Variants in TTBK1 observed in about 807,000 individuals in gnomAD.
TTBK1 encodes the protein tau tubulin kinase 1.
Under a neutral mutation model 108.5 loss-of-function variants are expected in TTBK1, and 34 were observed. That is an observed-to-expected ratio of 0.31 (90% confidence interval 0.24 to 0.42). The LOEUF is 0.42. Ranked by LOEUF, TTBK1 falls within the 10% of genes least tolerant of loss-of-function variation. The probability of loss-of-function intolerance (pLI) is 1.00; values close to 1 mark genes in which losing one functional copy is unlikely to be tolerated. For missense variants in TTBK1, 1,539 were observed against 1,826.0 expected (o/e 0.84, Z 2.86); for synonymous variants, 809 against 795.1 (o/e 1.02, Z -0.29).
intron 13 of TTBK1, among the ~76,000 whole-genome samples, chr6:43,267,570 C>T (rs569941390): frequency 1.3e-5 from 2 of 152,210 alleles, no homozygotes; most frequent in Non-Finnish European, 2.9e-5. Flanking sequence ...GGGAGGGAAA[C>T]AGTGTGAAAG....
At chr6:43,278,424 C>T (rs1017650969) in intron 13 of TTBK1, among the ~76,000 whole-genome samples, 10 of 152,154 alleles carry the variant, frequency 6.6e-5, no homozygotes, top group Non-Finnish European at 4.4e-5. Flanking sequence ...GAACCCTTAC[C>T]ATATATGCCT....
Position 43,269,388 on chromosome 6 carries a change from T to C in TTBK1, c.1986+6038T>C, listed in dbSNP as rs1173040026. Among the ~76,000 whole-genome samples the C allele has an allele frequency of 6.6e-6, 1 of 151,740 alleles. No homozygotes were observed. Among genetic ancestry groups the C allele is most frequent in the Non-Finnish European group, 1.5e-5 (1 of 67,890 alleles). ...TCTCGGAGGAGGTGAGTGACCATGG[T>C]CTCCTTGCAGAGACCATAGTGTGAG... On this transcript the variant is annotated intron_variant, in intron 13 of 14. Transcript: ENST00000259750. The surrounding 1 kb of genome is among the most constrained non-coding windows in gnomAD (Gnocchi z 4.8).
At chr6:43,278,236 A>C (rs981171219) in intron 13 of TTBK1, among the ~76,000 whole-genome samples, 2 of 152,208 alleles carry the variant, frequency 1.3e-5, no homozygotes, top group Non-Finnish European at 2.9e-5. Context: ...AGTCTGGTCC[A>C]TCCTCTCCCT....
Position 43,284,191 on chromosome 6 carries a change from G to A in TTBK1, c.3451G>A (p.Ala1151Thr), listed in dbSNP as rs752858831. The A allele has an allele frequency of 1.1e-5, 17 of 1,574,884 alleles. No individual in the cohort carries two copies. In the South Asian group the frequency reaches 1.4e-4, roughly 13 times the overall value. ...ALPRKSGRAAATRSRIPRPIG... is the reference protein window; with the variant it reads ...ALPRKSGRAATTRSRIPRPIG... ...GCCCAGGAAGAGCGGGAGGGCAGCC[G>A]CCACCAGGAGCCGGATTCCCCGCCC... The change falls in exon 14 of 15, where the codon GCC becomes ACC. Residue 1151 changes from alanine to threonine, a missense_variant. By Grantham distance (58) the Ala-to-Thr change is moderately conservative (BLOSUM62 0). Coordinates refer to ENST00000259750, the MANE Select transcript of TTBK1 (RefSeq NM_032538.3).
intron 2 of TTBK1, chr6:43,247,970 G>A (rs1233046530): frequency 6.6e-6 from 1 of 152,262 alleles, no homozygotes; most frequent in Admixed American, 6.5e-5. Flanking sequence ...GAAATCGGGG[G>A]AGGAAGAGCC....
rs774521135 is a variant in TTBK1, at chr6:43,285,032, C to T, written c.3622C>T (p.Pro1208Ser). The T allele has an allele frequency of 2.5e-5, 38 of 1,516,084 alleles. No homozygotes were observed. The highest frequency in any genetic ancestry group is 3.1e-5 in the Non-Finnish European group (35 of 1,138,290). The allele number at this position is 1,516,084 out of a possible 1,614,324, so 93.9% of individuals were successfully genotyped here. Residue 1208 changes from proline (P) to serine (S), a missense_variant, in exon 15 of 15, where the codon CCC (proline) becomes TCC (serine). Coordinates refer to ENST00000259750, the MANE Select transcript of TTBK1 (RefSeq NM_032538.3). This position sits in a 1 kb window ranked among gnomAD's most constrained non-coding sequence, Gnocchi z 4.7. ...PGSATAADLR[P>S]KQPPGRGLGP... The stretch of plus-strand genomic sequence containing the variant: ...GTCGGCCACTGCTGCTGACCTCCGC[C>T]CCAAACAACCTCCTGGCCGCGGCCT...
intron 1 of TTBK1, among the ~76,000 whole-genome samples, chr6:43,244,045 C>T (rs1257547611): frequency 6.6e-6 from 1 of 152,144 alleles, no homozygotes; most frequent in Non-Finnish European, 1.5e-5. Context: ...CCTCCCTGTC[C>T]TCAGTCCCTC....
chr6:43,272,596 G>GT, intron 13 of TTBK1: 1 of 985,380 alleles, frequency 1.0e-6, no homozygotes, highest in Non-Finnish European at 1.2e-6. Context: ...AGGGGAGAGT[G>GT]TTTTGTAAGC....
intron 10 of TTBK1, 47 bp from the exon 11 acceptor site, chr6:43,258,991 G>A (rs1165469366): frequency 1.4e-6 from 2 of 1,470,946 alleles, no homozygotes; most frequent in South Asian, 1.3e-5. Flanking sequence ...TGGAAGGAGA[G>A]GGCACCCCTG....
intron 12 of TTBK1, among the ~76,000 whole-genome samples, chr6:43,261,530 T>C (rs1259026730): frequency 1.3e-5 from 2 of 152,124 alleles, no homozygotes; most frequent in Admixed American, 1.3e-4. Flanking sequence ...TTCAATATAA[T>C]GAGGCTGGGA....
In TTBK1 at chr6:43,257,955, A is replaced by C; in HGVS notation, c.1005A>C (p.Ala335=). ...TPPQQNTRQT[A]AMFGVVNVTP... is the part of the protein sequence containing the mutation. ...CCCAGCAGAACACCCGGCAGACGGC[A>C]GCCATGTTTGGGTGAGTCTCAGGAA... Residue 335 remains alanine (A), a synonymous_variant, in exon 10 of 15, where the codon GCA becomes GCC. Transcript: ENST00000259750. The surrounding 1 kb of genome is among the most constrained non-coding windows in gnomAD (Gnocchi z 4.5). The C allele has an allele frequency of 6.2e-7, 1 of 1,613,054 alleles. No individual in the cohort carries two copies. The highest frequency in any genetic ancestry group is 8.5e-7 in the Non-Finnish European group (1 of 1,179,760).
intron 1 of TTBK1, among the ~76,000 whole-genome samples, chr6:43,244,317 A>T (rs1402305646): frequency 2.0e-5 from 3 of 151,638 alleles, no homozygotes; most frequent in South Asian, 2.1e-4. Context: ...TCTCACACAC[A>T]CCTGCTGACA....
chr6:43,285,417 G>GCCC lies in TTBK1; in HGVS notation c.*45_*47dup. ...TCCGCGGTCCCCCACCCTCACCCCG[G>GCCC]CCCCCCACCCGCAGCCGGCCACACT... On this transcript the variant is annotated 3_prime_UTR_variant, in exon 15 of 15. Coordinates refer to ENST00000259750, the MANE Select transcript of TTBK1 (RefSeq NM_032538.3). The surrounding 1 kb of genome is among the most constrained non-coding windows in gnomAD (Gnocchi z 4.7). 2 of 1,247,594 alleles carry GCCC rather than the reference G, an allele frequency of 1.6e-6. No individual in the cohort carries two copies. The highest frequency in any genetic ancestry group is 2.0e-6 in the Non-Finnish European group (2 of 997,924). 77.3% of individuals were successfully genotyped at this position (1,247,594 alleles called of 1,614,324 possible). A position where few individuals can be genotyped will look rare whatever the true frequency, so the allele number is the denominator to read the frequency against.
intron 7 of TTBK1, 65 bp from the exon 8 acceptor site, chr6:43,255,487 G>A: frequency 2.1e-6 from 3 of 1,441,712 alleles, no homozygotes; most frequent in East Asian, 2.5e-5. Context: ...CTCAGAGAAG[G>A]GTCAGCCGCC....
At position 43,246,618 on chromosome 6, in the gene TTBK1, C is replaced by T. The variant is rs762320657; in HGVS notation, c.-43C>T. 39 of 1,524,630 alleles carry T rather than the reference C, an allele frequency of 2.6e-5. No individual in the cohort carries two copies. Among genetic ancestry groups the T allele is most frequent in the African/African-American group, 4.1e-5 (3 of 72,930 alleles). 94.4% of individuals were successfully genotyped at this position (1,524,630 alleles called of 1,614,324 possible). On this transcript the variant is annotated 5_prime_UTR_variant, in exon 2 of 15. Coordinates refer to ENST00000259750, the MANE Select transcript of TTBK1 (RefSeq NM_032538.3). Reference sequence around the variant, plus strand: ...CCTCACTCCCCTAGGTAGATGGCCCCCTCAGGGCAGGCCCGGCGGACACCC... The same window carrying T: ...CCTCACTCCCCTAGGTAGATGGCCCTCTCAGGGCAGGCCCGGCGGACACCC...
intron 2 of TTBK1, chr6:43,247,924 T>C (rs528076491): frequency 8.6e-6 from 1 of 116,246 alleles, no homozygotes; most frequent in South Asian, 2.5e-4. Flanking sequence ...GGGCTGTTTA[T>C]GTCCCAGAGG....
intron 2 of TTBK1, among the ~76,000 whole-genome samples, chr6:43,247,656 G>T (rs1359768415): frequency 6.6e-6 from 1 of 152,074 alleles, no homozygotes; most frequent in Non-Finnish European, 1.5e-5. Context: ...GTGTGTGTGC[G>T]TGTGTGCTTG....
chr6:43,255,864 C>G lies in TTBK1; in HGVS notation c.861+8C>G. On this transcript the variant is annotated splice_region_variant and intron_variant, in intron 9 of 14. Transcript: ENST00000259750. ...ACCAAGCCCGACTACCAGGTGGGAG[C>G]CTGCTACCCTGCCCCCGCTCCCTCG... The G allele has an allele frequency of 6.2e-7, 1 of 1,614,064 alleles. No individual in the cohort carries two copies. Among genetic ancestry groups the G allele is most frequent in the Non-Finnish European group, 8.5e-7 (1 of 1,179,966 alleles).
chr6:43,274,118 A>C (rs1010526757), intron 13 of TTBK1, among the ~76,000 whole-genome samples: 3 of 152,188 alleles, frequency 2.0e-5, no homozygotes, highest in Non-Finnish European at 4.4e-5. Context: ...GGTCCGTGAC[A>C]AATGCGCTAG....
Sources: gnomAD v4.1 joint callset for allele counts (sites outside exome capture counted in the v4.1 genomes callset) on GRCh38, gnomAD v4.1.1 for gene constraint, Gnocchi (gnomAD v3.1) non-coding constraint, MANE v1.5 for transcripts, NCBI Gene and HGNC (gene_info 2026-07-23, HGNC 2026-07-21) for gene names.